SGTB: variants seen among roughly 807,000 people sequenced by gnomAD.
SGTB encodes small glutamine-rich tetratricopeptide repeat-containing protein beta.
A neutral mutation model predicts 43.9 loss-of-function variants in SGTB; 19 were observed. The ratio of observed to expected loss-of-function variants is 0.43; its 90% CI spans 0.30 to 0.63. The LOEUF is 0.63. SGTB is among the 30% of genes least tolerant of loss of function. The pLI is 0.12. For missense variants in SGTB, 304 were observed against 358.9 expected (o/e 0.85, Z 1.24); for synonymous variants, 116 against 117.3 (o/e 0.99, Z 0.07).
Position 65,685,387 on chromosome 5 carries a change from T to C in SGTB, c.460A>G (p.Lys154Glu). The C allele has an allele frequency of 4.3e-6, 7 of 1,614,118 alleles. No homozygotes were observed. The highest frequency in any genetic ancestry group is 5.1e-6 in the Non-Finnish European group (6 of 1,179,988). The change falls in exon 6 of 11, where the codon AAG (lysine) becomes GAG (glutamate). Residue 154 changes from lysine to glutamate, a missense_variant. Coordinates refer to ENST00000381007, the MANE Select transcript of SGTB (RefSeq NM_019072.3). ...KAIAIDSKYS[K>E]AYGRMGLALT... is the part of the protein sequence containing the mutation. Reference sequence around the variant, plus strand: ...ACTTACCCCATTCTCCCATAGGCCTTGCTGTACTTTGAATCAATTGCTATT... The same window carrying C: ...ACTTACCCCATTCTCCCATAGGCCTCGCTGTACTTTGAATCAATTGCTATT...
intron 8 of SGTB, among the ~76,000 whole-genome samples, chr5:65,674,506 T>G (rs1253812901): frequency 2.6e-5 from 4 of 152,218 alleles, no homozygotes; most frequent in African/African-American, 4.8e-5. Context: ...GTAGAAAGTC[T>G]CTGTACCAGA....
intron 5 of SGTB, among the ~76,000 whole-genome samples, chr5:65,696,803 T>A (rs980057114): frequency 6.6e-6 from 1 of 152,148 alleles, no homozygotes; most frequent in Non-Finnish European, 1.5e-5. Context: ...TTTCCTTTTA[T>A]CAAAGTGGAG....
chr5:65,685,214 C>G (rs1235929076), intron 6 of SGTB, among the ~76,000 whole-genome samples, 154 bp downstream of exon 6: 1 of 152,174 alleles, frequency 6.6e-6, no homozygotes, highest in Non-Finnish European at 1.5e-5. Context: ...ACTTCCTAGT[C>G]AAAGAAATTG....
At chr5:65,707,934 G>GCT (rs1464934307) in intron 4 of SGTB, among the ~76,000 whole-genome samples, 2 of 152,106 alleles carry the variant, frequency 1.3e-5, no homozygotes, top group African/African-American at 4.8e-5. Context: ...GCCTCACCTG[G>GCT]CTCCCGTCTA....
intron 6 of SGTB, among the ~76,000 whole-genome samples, chr5:65,684,918 G>A (rs1279035249): frequency 6.6e-6 from 1 of 151,922 alleles, no homozygotes; most frequent in South Asian, 2.1e-4. Flanking sequence ...GCAGACTGAT[G>A]GATTTGCAAG....
chr5:65,688,971 A>G (rs1757550725), intron 5 of SGTB, among the ~76,000 whole-genome samples: 3 of 151,730 alleles, frequency 2.0e-5, no homozygotes, highest in Admixed American at 2.0e-4. Context: ...CACCACGCCC[A>G]GCTAATTTTT....
chr5:65,709,321 G>A (rs1324197021), intron 3 of SGTB, among the ~76,000 whole-genome samples: 1 of 151,150 alleles, frequency 6.6e-6, no homozygotes, highest in Non-Finnish European at 1.5e-5. Context: ...ATTAAAAACA[G>A]CCTGGAAAGA....
chr5:65,694,150 C>A (rs1282192604), intron 5 of SGTB, among the ~76,000 whole-genome samples: 1 of 152,098 alleles, frequency 6.6e-6, no homozygotes, highest in Admixed American at 6.5e-5. Context: ...ATTAAGAAGA[C>A]CAGGCGCAGT....
intron 5 of SGTB, among the ~76,000 whole-genome samples, chr5:65,694,025 A>G (rs1245617875): frequency 6.6e-6 from 1 of 152,180 alleles, no homozygotes; most frequent in Non-Finnish European, 1.5e-5. Flanking sequence ...ATTTTAATTA[A>G]TTTATATTTA....
chr5:65,670,711 A>G, intron 10 of SGTB, among the ~76,000 whole-genome samples: 1 of 152,250 alleles, frequency 6.6e-6, no homozygotes, highest in Non-Finnish European at 1.5e-5. Context: ...ATAGTCTCAT[A>G]TAACACCCAG....
At chr5:65,708,418 T>A (rs1579881881) in intron 4 of SGTB, 71 bp downstream of exon 4, 6 of 1,322,522 alleles carry the variant, frequency 4.5e-6, no homozygotes, top group Non-Finnish European at 3.2e-6. Context: ...CAGAACTATA[T>A]CAATTGACAG....
chr5:65,714,060 CA>C lies in SGTB; in HGVS notation c.101-997del, dbSNP rs35332501. ...AGACCCCATCTCGAAAAAACAAAAACAAAAACAAAACAAAAAAAGTACTCTC... is the reference window on the plus strand; with the variant it reads ...AGACCCCATCTCGAAAAAACAAAAACAAAACAAAACAAAAAAAGTACTCTC... On this transcript the variant is annotated intron_variant, in intron 2 of 10. Transcript: ENST00000381007. Among the ~76,000 whole-genome samples, 252 of 151,904 alleles carry C rather than the reference CA, an allele frequency of 1.7e-3. 4 individuals are homozygous for C. In the East Asian group the frequency reaches 0.043, roughly 26 times the overall value.
rs1400573156 is a variant in SGTB at position 65,707,392 on chromosome 5, T to TTA, written c.274+1095_274+1096dup. On this transcript the variant is annotated intron_variant, in intron 4 of 10. Coordinates refer to ENST00000381007, the MANE Select transcript of SGTB (RefSeq NM_019072.3). ...CCACCTTTTTAGATACCAGCTGATT[T>TTA]TATACACACACACACACACACACAC... Among the ~76,000 whole-genome samples, 233 of 129,170 alleles carry TTA rather than the reference T, an allele frequency of 1.8e-3. 2 individuals are homozygous for TTA. The highest frequency in any genetic ancestry group is 7.6e-3 in the Middle Eastern group (2 of 264). 84.7% of individuals were successfully genotyped at this position (129,170 alleles called of 152,430 possible). A position where few individuals can be genotyped will look rare whatever the true frequency, so the allele number is the denominator to read the frequency against.
chr5:65,710,447 G>A (rs1400829373), intron 3 of SGTB, among the ~76,000 whole-genome samples: 3 of 152,078 alleles, frequency 2.0e-5, no homozygotes, highest in Admixed American at 1.3e-4. Flanking sequence ...ACCATGTGGG[G>A]GCAAGAGCTA....
chr5:65,713,405 T>C (rs1157417663), intron 2 of SGTB, among the ~76,000 whole-genome samples: 2 of 152,142 alleles, frequency 1.3e-5, no homozygotes, highest in Non-Finnish European at 2.9e-5. Context: ...CACTGTTGCC[T>C]TGACTTCCTG....
At chr5:65,699,132 A>G (rs759844413) in intron 5 of SGTB, among the ~76,000 whole-genome samples, 21 of 152,218 alleles carry the variant, frequency 1.4e-4, no homozygotes, top group Non-Finnish European at 2.4e-4. Context: ...GAACCAACTA[A>G]GGGCTCATCG....
chr5:65,707,660 C>A (rs1175259403), intron 4 of SGTB, among the ~76,000 whole-genome samples: 2 of 152,084 alleles, frequency 1.3e-5, no homozygotes, highest in African/African-American at 4.8e-5. Context: ...GTCTTGATCT[C>A]CTGACCTTGT....
At chr5:65,719,066 T>G (rs767052504) in intron 2 of SGTB, among the ~76,000 whole-genome samples, 1 of 152,206 alleles carries the variant, frequency 6.6e-6, no homozygotes, top group Non-Finnish European at 1.5e-5. Flanking sequence ...ATGGACTGAT[T>G]GCAATGTTCT....
At chr5:65,686,523 T>C (rs1482300289) in intron 5 of SGTB, among the ~76,000 whole-genome samples, 1 of 151,948 alleles carries the variant, frequency 6.6e-6, no homozygotes, top group African/African-American at 2.4e-5. Flanking sequence ...ATTTGTTTTT[T>C]TTTTTTTTCC....
Sources: allele counts gnomAD v4.1 joint callset (sites outside exome capture counted in the v4.1 genomes callset), GRCh38; gene constraint gnomAD v4.1.1; transcripts MANE v1.5; gene names NCBI Gene and HGNC (gene_info 2026-07-23, HGNC 2026-07-21).